PC: variants seen among roughly 807,000 people sequenced by gnomAD.
The protein encoded by PC is pyruvate carboxylase, mitochondrial.
Under a neutral mutation model 107.8 loss-of-function variants are expected in PC, and 46 were observed. That is an observed-to-expected ratio of 0.43 (90% CI 0.34 to 0.55). PC has a LOEUF of 0.55. Ranked by LOEUF, PC falls within the 20% of genes least tolerant of loss-of-function variation. The probability of loss-of-function intolerance (pLI) is 0.04; values close to 1 mark genes in which losing one functional copy is unlikely to be tolerated. For synonymous variants in PC, 662 were observed against 684.7 expected, an observed-to-expected ratio of 0.97 and a Z score of 0.52; for missense variants, 1,241 against 1,643.1, an observed-to-expected ratio of 0.76 and a Z score of 4.23.
chr11:66,950,605 C>T (rs1330712659), intron 3 of PC, among the ~76,000 whole-genome samples: 1 of 152,194 alleles, frequency 6.6e-6, no homozygotes, highest in Non-Finnish European at 1.5e-5. Context: ...CTCAAGTCAG[C>T]AGTGCCTTGG....
At chr11:66,854,459 G>A (rs750203527) in intron 12 of PC, among the ~76,000 whole-genome samples, 3 of 152,186 alleles carry the variant, frequency 2.0e-5, no homozygotes, top group Non-Finnish European at 4.4e-5. Flanking sequence ...TGAGGCATGT[G>A]TCAGTGCACT....
intron 3 of PC, among the ~76,000 whole-genome samples, chr11:66,884,286 T>A (rs1332405722): frequency 6.7e-6 from 1 of 148,154 alleles, no homozygotes; most frequent in East Asian, 2.0e-4. Context: ...GTGGTGCCCA[T>A]AGATAGTCTC....
At position 66,849,521 on chromosome 11, in the gene PC, C is replaced by CT. The variant is rs934345868; in HGVS notation, c.3147+89dup. 6 of 1,610,532 alleles carry CT rather than the reference C, an allele frequency of 3.7e-6. No individual in the cohort carries two copies. In the African/African-American group the frequency reaches 4.0e-5, roughly 11 times the overall value. On this transcript the variant is annotated intron_variant, in intron 21 of 22. Coordinates refer to ENST00000393960, the MANE Select transcript of PC (RefSeq NM_001040716.2). Reference sequence around the variant, plus strand: ...TCAAGGGTCCTTTCTGCTCCCAAAGCTTGCGAGGCTGGGTGACAGCCAAGC... The same window carrying CT: ...TCAAGGGTCCTTTCTGCTCCCAAAGCTTTGCGAGGCTGGGTGACAGCCAAGC...
At chr11:66,918,968 C>T (rs889410598) in intron 3 of PC, among the ~76,000 whole-genome samples, 2 of 152,094 alleles carry the variant, frequency 1.3e-5, no homozygotes, top group Admixed American at 6.5e-5. Flanking sequence ...AACCAAGCCC[C>T]GTCAAGTTTC....
intron 10 of PC, among the ~76,000 whole-genome samples, chr11:66,867,004 C>T (rs1254488917): frequency 1.3e-5 from 2 of 152,180 alleles, no homozygotes; most frequent in African/African-American, 4.8e-5. Context: ...TTCCCCACCT[C>T]TGCAGGGTTT....
chr11:66,944,262 C>T lies in PC; in HGVS notation c.-1+8168G>A, dbSNP rs1184046202. ...CACCACTGCACTCCAGCCTGGGTGA[C>T]AGAGCAAGACTCCGTCTCAGAAAAA... On this transcript the variant is annotated intron_variant, in intron 3 of 22. Coordinates refer to ENST00000393960, the MANE Select transcript of PC (RefSeq NM_001040716.2). Among the ~76,000 whole-genome samples the T allele has an allele frequency of 5.4e-5, 6 of 111,952 alleles. 2 individuals are homozygous for T. The highest frequency in any genetic ancestry group is 2.0e-4 in the African/African-American group (6 of 30,708). The allele number at this position is 111,952 out of a possible 152,430, so 73.4% of individuals were successfully genotyped here.
At chr11:66,901,524 C>T (rs145044437) in intron 3 of PC, among the ~76,000 whole-genome samples, 1 of 152,160 alleles carries the variant, frequency 6.6e-6, no homozygotes, top group Non-Finnish European at 1.5e-5. Context: ...GGCTGCAGTA[C>T]AATGGCGCGA....
At position 66,865,215 on chromosome 11, in the gene PC, C is replaced by T. The variant is rs527317839; in HGVS notation, c.1185+972G>A. On this transcript the variant is annotated intron_variant, in intron 11 of 22. Transcript: ENST00000393960. ...CTTCCAGAATCCAGAGAGCTCTGGT[C>T]CCTACCCCCAGCCTCCCCAGCCTCC... Among the ~76,000 whole-genome samples, 3 of 152,264 alleles carry T rather than the reference C, an allele frequency of 2.0e-5. No individual in the cohort carries two copies. In the East Asian group the frequency reaches 5.8e-4, roughly 29 times the overall value.
intron 3 of PC, among the ~76,000 whole-genome samples, chr11:66,911,709 A>G (rs576344333): frequency 6.6e-6 from 1 of 152,334 alleles, no homozygotes; most frequent in East Asian, 1.9e-4. Context: ...TGAAAAGAAT[A>G]CAAACTCAGG....
chr11:66,923,443 A>T (rs1312210866), intron 3 of PC, among the ~76,000 whole-genome samples: 1 of 151,576 alleles, frequency 6.6e-6, no homozygotes, highest in South Asian at 2.1e-4. Flanking sequence ...AGGGAAAGAG[A>T]AAAGAGACCC....
chr11:66,908,753 G>A (rs994654531), intron 3 of PC, among the ~76,000 whole-genome samples: 2 of 152,222 alleles, frequency 1.3e-5, no homozygotes, highest in African/African-American at 4.8e-5. Flanking sequence ...GGCTGAGCCT[G>A]CTACGGGAAC....
intron 12 of PC, chr11:66,859,896 T>C: frequency 6.3e-7 from 1 of 1,574,930 alleles, no homozygotes; most frequent in Non-Finnish European, 8.6e-7. Context: ...CACTGTGGCC[T>C]TGCTGGTTCG....
chr11:66,945,226 C>G (rs1949254743), intron 3 of PC, among the ~76,000 whole-genome samples: 1 of 117,324 alleles, frequency 8.5e-6, no homozygotes, highest in Non-Finnish European at 1.9e-5. Flanking sequence ...ACTCAGAAGA[C>G]TGGGACTCAA....
At chr11:66,869,109 G>C in intron 9 of PC, 145 bp from the exon 10 acceptor site, 1 of 660,192 alleles carries the variant, frequency 1.5e-6, no homozygotes. Flanking sequence ...ACAGATGGCA[G>C]ACAGACCCCA....
intron 1 of PC, chr11:66,957,887 G>A (rs58517441): frequency 6.6e-6 from 1 of 152,288 alleles, no homozygotes; most frequent in African/African-American, 2.4e-5. Flanking sequence ...GCTTCCTGCA[G>A]AGCTGAGCCA....
intron 3 of PC, among the ~76,000 whole-genome samples, chr11:66,891,204 G>A (rs1227512920): frequency 1.3e-5 from 2 of 151,580 alleles, no homozygotes; most frequent in Non-Finnish European, 2.9e-5. Flanking sequence ...TTACAGATGT[G>A]CGCCAACATG....
chr11:66,886,221 G>C (rs1013774960), intron 3 of PC, among the ~76,000 whole-genome samples: 1 of 151,924 alleles, frequency 6.6e-6, no homozygotes, highest in African/African-American at 2.4e-5. Flanking sequence ...GCAGGCAGAG[G>C]AGGGGAGGAG....
intron 12 of PC, chr11:66,860,003 G>A (rs775292478): frequency 1.5e-5 from 24 of 1,592,238 alleles, no homozygotes; most frequent in South Asian, 6.7e-5. Flanking sequence ...AGGCCCACCC[G>A]CCGCGGAGCC....
At chr11:66,859,491 TC>T in intron 12 of PC, 1 of 1,468,458 alleles carries the variant, frequency 6.8e-7, no homozygotes, top group Non-Finnish European at 9.1e-7. Flanking sequence ...GGCCACACTC[TC>T]CAGCCTGTTC....
Sources: gnomAD v4.1 joint callset for allele counts (sites outside exome capture counted in the v4.1 genomes callset) on GRCh38, gnomAD v4.1.1 for gene constraint, MANE v1.5 for transcripts, NCBI Gene and HGNC (gene_info 2026-07-23, HGNC 2026-07-21) for gene names.